AKAP6: variants seen among roughly 807,000 people sequenced by gnomAD.
AKAP6 encodes A-kinase anchor protein 6.
Under a neutral mutation model 188.5 loss-of-function variants are expected in AKAP6, and 58 were observed. The observed-to-expected ratio is 0.31, with a 90% CI of 0.25 to 0.38. AKAP6 has a LOEUF of 0.38. Ranked by LOEUF, AKAP6 falls within the 10% of genes least tolerant of loss-of-function variation. The pLI is 1.00. For missense variants in AKAP6, 2,710 were observed against 2,740.0 expected, an observed-to-expected ratio of 0.99 and a Z score of 0.24; for synonymous variants, 989 against 998.6, an observed-to-expected ratio of 0.99 and a Z score of 0.18.
chr14:32,358,498 C>G (rs1021976778), intron 1 of AKAP6, among the ~76,000 whole-genome samples: 1 of 151,748 alleles, frequency 6.6e-6, no homozygotes, highest in Non-Finnish European at 1.5e-5. Flanking sequence ...TGTTTTTTTC[C>G]CAGTTTGGTT....
At chr14:32,636,075 G>A (rs890058104) in intron 7 of AKAP6, among the ~76,000 whole-genome samples, 5 of 151,956 alleles carry the variant, frequency 3.3e-5, no homozygotes, top group Non-Finnish European at 2.9e-5. Context: ...GAAATGTTTT[G>A]CACTTATTTT....
chr14:32,442,002 T>C (rs745461818), intron 2 of AKAP6, among the ~76,000 whole-genome samples: 4 of 152,222 alleles, frequency 2.6e-5, no homozygotes, highest in African/African-American at 7.2e-5. Flanking sequence ...AATAGCTATC[T>C]GTTTTTGTGG....
intron 11 of AKAP6, among the ~76,000 whole-genome samples, chr14:32,740,981 C>G (rs2031645036): frequency 1.4e-5 from 2 of 147,614 alleles, no homozygotes; most frequent in Non-Finnish European, 3.0e-5. Flanking sequence ...AATATTGATT[C>G]TTCCAATCCA....
rs1193745960 is a variant in AKAP6, at chr14:32,732,568, G to T, written c.3115G>T (p.Asp1039Tyr). The change falls in exon 10 of 14, where the codon GAT becomes TAT. Residue 1039 changes from aspartate (D) to tyrosine (Y), a missense_variant. Physicochemically the swap from Asp to Tyr is radical, Grantham distance 160 (BLOSUM62 -3). Transcript: ENST00000280979. ...LLPNDLLEKV[D>Y]SINEKWELLG... ...ACCAAATGATCTCCTTGAAAAAGTG[G>T]ATTCAATTAATGAAAAATGGGAACT... 3 of 1,613,552 alleles carry T rather than the reference G, an allele frequency of 1.9e-6. No individual in the cohort carries two copies. In the South Asian group the frequency reaches 3.3e-5, roughly 18 times the overall value.
At chr14:32,817,393 A>T (rs1594978218) in intron 12 of AKAP6, among the ~76,000 whole-genome samples, 1 of 152,268 alleles carries the variant, frequency 6.6e-6, no homozygotes, top group East Asian at 1.9e-4. Context: ...AAGTGTAAAA[A>T]TAATAAAATA....
intron 1 of AKAP6, among the ~76,000 whole-genome samples, chr14:32,360,120 C>G (rs1413866941): frequency 7.4e-6 from 1 of 135,366 alleles, no homozygotes; most frequent in East Asian, 2.2e-4. Flanking sequence ...CAGTTATCCT[C>G]TTTTTCTTTT....
intron 9 of AKAP6, among the ~76,000 whole-genome samples, chr14:32,711,458 G>A (rs922513399): frequency 2.6e-5 from 4 of 151,916 alleles, no homozygotes; most frequent in Admixed American, 6.6e-5. Context: ...AGATTCACAC[G>A]GACCTTTTTA....
At chr14:32,444,287 TC>T (rs1406094098) in intron 2 of AKAP6, among the ~76,000 whole-genome samples, 1 of 152,118 alleles carries the variant, frequency 6.6e-6, no homozygotes, top group Non-Finnish European at 1.5e-5. Flanking sequence ...AAGAAAAAGT[TC>T]ATCAGACCAG....
intron 7 of AKAP6, among the ~76,000 whole-genome samples, chr14:32,611,533 C>A (rs917896696): frequency 6.6e-6 from 1 of 152,044 alleles, no homozygotes; most frequent in African/African-American, 2.4e-5. Context: ...ATAGCTGTAA[C>A]CTTGGAAGTT....
chr14:32,772,347 A>G (rs1378318004), intron 11 of AKAP6, among the ~76,000 whole-genome samples: 12 of 152,208 alleles, frequency 7.9e-5, no homozygotes, highest in Admixed American at 7.9e-4. Flanking sequence ...GGATAAGTTC[A>G]AGAAACATAA....
intron 12 of AKAP6, among the ~76,000 whole-genome samples, chr14:32,781,184 A>C (rs1156682604): frequency 1.3e-5 from 2 of 152,030 alleles, no homozygotes; most frequent in East Asian, 3.9e-4. Context: ...GAAATTGATA[A>C]ACCTCTAGCT....
intron 9 of AKAP6, among the ~76,000 whole-genome samples, chr14:32,702,207 A>C (rs1890644702): frequency 6.6e-6 from 1 of 152,218 alleles, no homozygotes; most frequent in East Asian, 1.9e-4. Flanking sequence ...TAAATTCATT[A>C]TAATATTTCA....
At chr14:32,398,054 G>A (rs966779283) in intron 1 of AKAP6, among the ~76,000 whole-genome samples, 2 of 152,178 alleles carry the variant, frequency 1.3e-5, no homozygotes, top group Non-Finnish European at 2.9e-5. Flanking sequence ...TTACAATCAG[G>A]GGAACCTCCT....
intron 9 of AKAP6, 108 bp from the exon 10 acceptor site, chr14:32,732,346 T>A (rs1028685604): frequency 7.8e-7 from 1 of 1,276,810 alleles, no homozygotes; most frequent in Non-Finnish European, 1.1e-6. Flanking sequence ...TAAATTTTAT[T>A]GGGAACAAAA....
At chr14:32,561,057 T>A (rs929484539) in intron 4 of AKAP6, among the ~76,000 whole-genome samples, 1 of 152,182 alleles carries the variant, frequency 6.6e-6, no homozygotes, top group Non-Finnish European at 1.5e-5. Flanking sequence ...ACTTAAACAT[T>A]GGGCTCAGTT....
chr14:32,648,995 G>T (rs1888097402), intron 7 of AKAP6, among the ~76,000 whole-genome samples: 1 of 152,092 alleles, frequency 6.6e-6, no homozygotes, highest in East Asian at 1.9e-4. Context: ...TAAACACCAA[G>T]GTAAGCATAA....
chr14:32,467,327 G>A (rs557929573), intron 2 of AKAP6, among the ~76,000 whole-genome samples: 1 of 152,212 alleles, frequency 6.6e-6, no homozygotes, highest in Admixed American at 6.5e-5. Context: ...TTTGAGGTTG[G>A]GGGAGTGGGT....
intron 12 of AKAP6, among the ~76,000 whole-genome samples, chr14:32,808,066 A>G (rs2034134627): frequency 6.6e-6 from 1 of 152,258 alleles, no homozygotes; most frequent in African/African-American, 2.4e-5. Context: ...TGTGGACTAA[A>G]ACATCTCACA....
intron 2 of AKAP6, 29 bp downstream of exon 2, chr14:32,433,846 A>G (rs780087742): frequency 6.3e-6 from 10 of 1,585,366 alleles, no homozygotes; most frequent in Middle Eastern, 1.7e-4. Flanking sequence ...TCCTCTCAGG[A>G]TAGAAGTTTT....
Sources: gnomAD v4.1 joint callset for allele counts (sites outside exome capture counted in the v4.1 genomes callset) on GRCh38, gnomAD v4.1.1 for gene constraint, MANE v1.5 for transcripts, NCBI Gene and HGNC (gene_info 2026-07-23, HGNC 2026-07-21) for gene names.